MAP9: variants seen among roughly 807,000 people sequenced by gnomAD.
MAP9 encodes the protein microtubule-associated protein 9.
A neutral mutation model predicts 75.2 loss-of-function variants in MAP9; 80 were observed. The observed-to-expected ratio is 1.06, with a 90% CI of 0.89 to 1.28. The LOEUF is 1.28. Ranked by LOEUF, MAP9 falls within the 50% of genes most tolerant of loss-of-function variation. The pLI, the probability that MAP9 is intolerant of heterozygous loss-of-function variation, is 0.00. For missense variants in MAP9, 753 were observed against 719.9 expected (o/e 1.05, Z -0.53); for synonymous variants, 235 against 237.3 (o/e 0.99, Z 0.09).
intron 13 of MAP9, among the ~76,000 whole-genome samples, chr4:155,349,027 T>C (rs2111180716): frequency 6.6e-6 from 1 of 152,292 alleles, no homozygotes; most frequent in Admixed American, 6.5e-5. Flanking sequence ...ATTGTGTGAA[T>C]TTCTCTGAAA....
chr4:155,371,297 A>G (rs1230833835), intron 4 of MAP9, among the ~76,000 whole-genome samples: 1 of 152,002 alleles, frequency 6.6e-6, no homozygotes, highest in African/African-American at 2.4e-5. Context: ...AAAAAAAAAA[A>G]GTCAAAGAAT....
At chr4:155,370,093 T>G (rs759287592) in intron 4 of MAP9, among the ~76,000 whole-genome samples, 15 of 152,198 alleles carry the variant, frequency 9.9e-5, no homozygotes, top group African/African-American at 1.7e-4. Context: ...AGCTACATCC[T>G]AAACTCCAGC....
chr4:155,347,565 A>G lies in MAP9; in HGVS notation c.*218T>C. On this transcript the variant is annotated 3_prime_UTR_variant, in exon 14 of 14. Transcript: ENST00000311277. ...AATCTTATGTATCTTAATGGTAAAA[A>G]CAATCTGATTATTAGGTCTTTGTTT... 1 of 416,596 alleles carries G rather than the reference A, an allele frequency of 2.4e-6. No homozygotes were observed. Among genetic ancestry groups the G allele is most frequent in the Non-Finnish European group, 4.2e-6 (1 of 235,994 alleles). The allele number at this position is 416,596 out of a possible 1,614,324, so 25.8% of individuals were successfully genotyped here.
chr4:155,352,345 G>T, intron 13 of MAP9: 2 of 331,138 alleles, frequency 6.0e-6, no homozygotes, highest in Non-Finnish European at 1.1e-5. Flanking sequence ...TGGTAAATGT[G>T]GGGATGCAGG....
chr4:155,355,491 C>T (rs1242518479), intron 9 of MAP9, among the ~76,000 whole-genome samples: 4 of 152,020 alleles, frequency 2.6e-5, no homozygotes, highest in African/African-American at 7.2e-5. Flanking sequence ...CTATAAATTG[C>T]AATGGCATAT....
intron 4 of MAP9, among the ~76,000 whole-genome samples, chr4:155,371,286 GAAAA>G (rs910985330): frequency 7.1e-6 from 1 of 141,120 alleles, no homozygotes; most frequent in Non-Finnish European, 1.6e-5. Flanking sequence ...AACCTGTACA[GAAAA>G]AAAAAAAGTC....
intron 5 of MAP9, among the ~76,000 whole-genome samples, chr4:155,364,140 T>C (rs2111250718): frequency 6.6e-6 from 1 of 151,812 alleles, no homozygotes; most frequent in Admixed American, 6.6e-5. Context: ...GAGAGGACAA[T>C]GAAATGAATG....
rs185372763 is a variant in MAP9 at position 155,352,415 on chromosome 4, T to C, written c.1821+181A>G. The C allele has an allele frequency of 1.8e-4, 98 of 554,742 alleles. No homozygotes were observed. In the African/African-American group the frequency reaches 1.8e-3, roughly 10 times the overall value. 34.4% of individuals were successfully genotyped at this position (554,742 alleles called of 1,614,324 possible). ...GTGTTTGAGGGAATAGTAGAAACAT[T>C]AATAGAAATGACTAAGTCAAAGAAA... On this transcript the variant is annotated intron_variant, in intron 13 of 13. Coordinates refer to ENST00000311277, the MANE Select transcript of MAP9 (RefSeq NM_001039580.2).
At position 155,353,259 on chromosome 4, in the gene MAP9, C is replaced by A; in HGVS notation, c.1462G>T (p.Ala488Ser). 3 of 1,608,920 alleles carry A rather than the reference C, an allele frequency of 1.9e-6. No homozygotes were observed. The highest frequency in any genetic ancestry group is 1.1e-5 in the South Asian group (1 of 89,870). ...TTTTCTTCAAGCCTCTTTTTGGCAG[C>A]TATTTTCTTTGCTTCCTTTTCTTTC... is the stretch of plus-strand genomic sequence containing the variant. ...AMKEKEAKKIAAKKRLEEKNK... is the reference protein window; with the variant it reads ...AMKEKEAKKISAKKRLEEKNK... The change falls in exon 11 of 14, where the codon GCT (alanine) becomes TCT (serine). Residue 488 changes from alanine to serine, a missense_variant. Coordinates refer to ENST00000311277, the MANE Select transcript of MAP9 (RefSeq NM_001039580.2).
intron 10 of MAP9, among the ~76,000 whole-genome samples, chr4:155,354,773 T>C (rs1053793344): frequency 6.6e-6 from 1 of 152,160 alleles, no homozygotes; most frequent in African/African-American, 2.4e-5. Flanking sequence ...CCTTCTTGGT[T>C]AAGTTCTAAA....
intron 13 of MAP9, among the ~76,000 whole-genome samples, chr4:155,348,874 T>C (rs1731384819): frequency 6.6e-6 from 1 of 152,184 alleles, no homozygotes; most frequent in Admixed American, 6.6e-5. Context: ...TCACACTGTA[T>C]TCCATAAATA....
At chr4:155,363,061 C>G (rs1427206324) in intron 5 of MAP9, 1 of 152,150 alleles carries the variant, frequency 6.6e-6, no homozygotes, top group African/African-American at 2.4e-5. Context: ...ACCATCAGAT[C>G]AGCCAATAAG....
At chr4:155,369,092 G>A (rs1732470420) in intron 4 of MAP9, among the ~76,000 whole-genome samples, 1 of 152,144 alleles carries the variant, frequency 6.6e-6, no homozygotes, top group South Asian at 2.1e-4. Flanking sequence ...GGAGGCCGAG[G>A]TGGGCAGATC....
At chr4:155,352,435 A>G (rs914055442) in intron 13 of MAP9, 161 bp downstream of exon 13, 6 of 663,556 alleles carry the variant, frequency 9.0e-6, no homozygotes, top group African/African-American at 1.9e-5. Context: ...GACTAAGTCA[A>G]AGAAAATATG....
rs1301024144 is a variant in MAP9 at position 155,360,231 on chromosome 4, A to C, written c.987T>G (p.Val329=). The stretch of plus-strand genomic sequence containing the variant: ...TCTGAGATTTAGATAGTAGTGGATC[A>C]ACTGTTCTGTCATCATCCATAATCA... The part of the protein sequence containing the change: ...AELIMDDDRT[V]DPLLSKSQSI... The change falls in exon 7 of 14, where the codon GTT becomes GTG. Residue 329 remains valine (V), a synonymous_variant. Transcript: ENST00000311277. 2 of 1,612,832 alleles carry C rather than the reference A, an allele frequency of 1.2e-6. No individual in the cohort carries two copies. Among genetic ancestry groups the C allele is most frequent in the African/African-American group, 1.3e-5 (1 of 74,870 alleles).
intron 3 of MAP9, 76 bp downstream of exon 3, chr4:155,374,861 T>C: frequency 1.2e-6 from 1 of 868,814 alleles, no homozygotes; most frequent in Non-Finnish European, 1.7e-6. Context: ...GGATGGGTGG[T>C]TGGGGGGCTG....
At chr4:155,368,492 G>T in intron 5 of MAP9, 94 bp downstream of exon 5, 1 of 1,000,404 alleles carries the variant, frequency 1.0e-6, no homozygotes, top group Non-Finnish European at 1.6e-6. Context: ...ACACACACAC[G>T]CACACAAATT....
chr4:155,353,721 A>G lies in MAP9; in HGVS notation c.1381-381T>C, dbSNP rs921148216. Among the ~76,000 whole-genome samples, 3 of 152,298 alleles carry G rather than the reference A, an allele frequency of 2.0e-5. No homozygotes were observed. In the South Asian group the frequency reaches 6.2e-4, roughly 32 times the overall value. ...ATTTGAAAAAAAAATCAGTAAAGTT[A>G]TGGGCTTATAAAGTAAGTTAGAGTA... On this transcript the variant is annotated intron_variant, in intron 10 of 13. Coordinates refer to ENST00000311277, the MANE Select transcript of MAP9 (RefSeq NM_001039580.2).
intron 9 of MAP9, among the ~76,000 whole-genome samples, 186 bp from the exon 10 acceptor site, chr4:155,355,346 G>A (rs187119534): frequency 1.2e-4 from 18 of 151,972 alleles, no homozygotes; most frequent in Admixed American, 4.6e-4. Flanking sequence ...TCCTATGTAC[G>A]CCTAACAACA....
Sources: gnomAD v4.1 joint callset for allele counts (sites outside exome capture counted in the v4.1 genomes callset) on GRCh38, gnomAD v4.1.1 for gene constraint, MANE v1.5 for transcripts, NCBI Gene and HGNC (gene_info 2026-07-23, HGNC 2026-07-21) for gene names.